Variants in AKAP6 observed in about 807,000 individuals in gnomAD.
The protein encoded by AKAP6 is A-kinase anchor protein 6.
AKAP6 carries 58 observed loss-of-function variants against 188.5 expected under a neutral mutation model. The ratio of observed to expected loss-of-function variants is 0.31; its 90% CI spans 0.25 to 0.38. The LOEUF is 0.38. AKAP6 is among the 10% of genes least tolerant of loss of function. The pLI, the probability that AKAP6 is intolerant of heterozygous loss-of-function variation, is 1.00. For synonymous variants in AKAP6, 989 were observed against 998.6 expected (o/e 0.99, Z 0.18); for missense variants, 2,710 against 2,740.0 (o/e 0.99, Z 0.24).
chr14:32,647,198 G>A (rs899515297), intron 7 of AKAP6, among the ~76,000 whole-genome samples: 4 of 152,090 alleles, frequency 2.6e-5, no homozygotes, highest in African/African-American at 4.8e-5. Flanking sequence ...CAATTTCCAA[G>A]TATATATTAG....
chr14:32,489,900 C>T (rs1879909898), intron 2 of AKAP6, among the ~76,000 whole-genome samples: 1 of 152,234 alleles, frequency 6.6e-6, no homozygotes, highest in African/African-American at 2.4e-5. Flanking sequence ...GTTTATTTCA[C>T]CTGGGTGCAG....
rs140821746 is a variant in AKAP6 at position 32,379,598 on chromosome 14, T to C, written c.-35+50190T>C. 2.9e-3 allele frequency among the ~76,000 whole-genome samples: 443 copies of C among 152,198 alleles called. 2 individuals carry two copies. The highest frequency in any genetic ancestry group is 9.1e-3 in the African/African-American group (376 of 41,516). On this transcript the variant is annotated intron_variant, in intron 1 of 13. Transcript: ENST00000280979. ...TTTCCCCTTTGATCCTCTTTAATGATGTCAGCCCCTCCTATGAGAGGGTGT... is the reference window on the plus strand; with the variant it reads ...TTTCCCCTTTGATCCTCTTTAATGACGTCAGCCCCTCCTATGAGAGGGTGT...
At chr14:32,500,519 T>C (rs1880557948) in intron 2 of AKAP6, among the ~76,000 whole-genome samples, 1 of 152,148 alleles carries the variant, frequency 6.6e-6, no homozygotes, top group African/African-American at 2.4e-5. Flanking sequence ...ACTTACTATA[T>C]GGGATGCATA....
At chr14:32,699,621 C>T (rs1305134142) in intron 9 of AKAP6, among the ~76,000 whole-genome samples, 1 of 152,162 alleles carries the variant, frequency 6.6e-6, no homozygotes, top group East Asian at 1.9e-4. Flanking sequence ...GTTATACTGC[C>T]AATGACTTCC....
At position 32,639,231 on chromosome 14, in the gene AKAP6, T is replaced by A. The variant is rs568739572; in HGVS notation, c.2730+38439T>A. On this transcript the variant is annotated intron_variant, in intron 7 of 13. Coordinates refer to ENST00000280979, the MANE Select transcript of AKAP6 (RefSeq NM_004274.5). ...AGTATCTGCGTTGTTTTTGCATGAA[T>A]GTACGTGAACTTATGGTTTGTGGCT... 2.6e-5 allele frequency among the ~76,000 whole-genome samples: 4 copies of A among 152,274 alleles called. No homozygotes were observed. In the East Asian group the frequency reaches 7.7e-4, roughly 29 times the overall value.
At chr14:32,435,707 C>G (rs1298722908) in intron 2 of AKAP6, among the ~76,000 whole-genome samples, 1 of 152,072 alleles carries the variant, frequency 6.6e-6, no homozygotes, top group Non-Finnish European at 1.5e-5. Flanking sequence ...ATAAATTGTC[C>G]TATGTTCATT....
intron 1 of AKAP6, among the ~76,000 whole-genome samples, chr14:32,336,332 A>T (rs986417973): frequency 6.6e-6 from 1 of 152,126 alleles, no homozygotes; most frequent in Non-Finnish European, 1.5e-5. Flanking sequence ...CCCCAGGAAT[A>T]CAAGACCTTG....
chr14:32,427,036 A>G (rs1342215834), intron 1 of AKAP6, among the ~76,000 whole-genome samples: 1 of 152,198 alleles, frequency 6.6e-6, no homozygotes, highest in African/African-American at 2.4e-5. Flanking sequence ...GCTGTACAAA[A>G]GGAAATATTC....
chr14:32,614,014 AC>A (rs1001015935), intron 7 of AKAP6, among the ~76,000 whole-genome samples: 2 of 152,300 alleles, frequency 1.3e-5, no homozygotes, highest in Admixed American at 6.5e-5. Flanking sequence ...CCTAGTGAGA[AC>A]TTTTTAACTA....
intron 7 of AKAP6, among the ~76,000 whole-genome samples, chr14:32,606,037 A>G (rs1956218): frequency 0.59 from 89,838 of 151,926 alleles, 27,277 homozygotes; most frequent in African/African-American, 0.7. Flanking sequence ...CCTAGGACTC[A>G]GCAGCATACC....
At chr14:32,398,584 C>T (rs528869202) in intron 1 of AKAP6, among the ~76,000 whole-genome samples, 2 of 152,208 alleles carry the variant, frequency 1.3e-5, no homozygotes, top group African/African-American at 2.4e-5. Flanking sequence ...AGGCCTCTCC[C>T]ATGGTTCCAG....
At position 32,656,579 on chromosome 14, in the gene AKAP6, G is replaced by A. The variant is rs1345390232; in HGVS notation, c.2731-21732G>A. Among the ~76,000 whole-genome samples, 3 of 152,160 alleles carry A rather than the reference G, an allele frequency of 2.0e-5. No individual in the cohort carries two copies. The East Asian group carries it at 5.8e-4, about 29-fold the overall frequency. ...GAACCCACCAGCTGATTCTGAAGCT[G>A]GTAATCTGAAGACTACTTTCTGAGA... On this transcript the variant is annotated intron_variant, in intron 7 of 13. Transcript: ENST00000280979.
intron 11 of AKAP6, among the ~76,000 whole-genome samples, chr14:32,751,788 G>C (rs2032150357): frequency 6.6e-6 from 1 of 151,978 alleles, no homozygotes; most frequent in Admixed American, 6.6e-5. Context: ...TGTTTTCATT[G>C]CAATTTTTAA....
At chr14:32,382,892 A>C (rs1888412005) in intron 1 of AKAP6, among the ~76,000 whole-genome samples, 1 of 152,118 alleles carries the variant, frequency 6.6e-6, no homozygotes, top group Non-Finnish European at 1.5e-5. Flanking sequence ...GTGGGCCCGC[A>C]AAGAGTGCTG....
At chr14:32,379,325 T>A (rs1888267888) in intron 1 of AKAP6, among the ~76,000 whole-genome samples, 1 of 152,200 alleles carries the variant, frequency 6.6e-6, no homozygotes, top group Admixed American at 6.5e-5. Flanking sequence ...GCTATTTTCA[T>A]TTTTCCTGTG....
chr14:32,456,002 A>AT (rs35250598), intron 2 of AKAP6, among the ~76,000 whole-genome samples: 5,629 of 152,014 alleles, frequency 0.037, 125 homozygotes, highest in East Asian at 0.1. Flanking sequence ...TAACCTGGTG[A>AT]TTTTTTTAAG....
intron 1 of AKAP6, among the ~76,000 whole-genome samples, chr14:32,349,769 A>G (rs966700996): frequency 1.3e-5 from 2 of 152,182 alleles, no homozygotes; most frequent in Non-Finnish European, 2.9e-5. Context: ...CCATTCATCA[A>G]TAAAAGGAAT....
At chr14:32,506,688 AC>A (rs1880893491) in intron 2 of AKAP6, among the ~76,000 whole-genome samples, 1 of 152,024 alleles carries the variant, frequency 6.6e-6, no homozygotes, top group South Asian at 2.1e-4. Context: ...ACCTGCTACC[AC>A]ACCCGGCTAA....
At position 32,433,626 on chromosome 14, in the gene AKAP6, G is replaced by A; in HGVS notation, c.133G>A (p.Asp45Asn). Reference protein sequence around the residue: ...EQGEGEEAMKDMDSDQQYEKP... With the variant: ...EQGEGEEAMKNMDSDQQYEKP... Reference sequence around the variant, plus strand: ...GGGTGAGGGAGAAGAGGCAATGAAGGACATGGACTCTGACCAGCAGTATGA... The same window carrying A: ...GGGTGAGGGAGAAGAGGCAATGAAGAACATGGACTCTGACCAGCAGTATGA... The change falls in exon 2 of 14, where the codon GAC becomes AAC. Residue 45 changes from aspartate to asparagine, a missense_variant. Asp to Asn is a conservative substitution (Grantham distance 23). This residue lies in a region of AKAP6 where 237 missense variants were observed against 313.9 expected (regional missense o/e 0.76). Transcript: ENST00000280979. The A allele has an allele frequency of 1.2e-6, 2 of 1,614,136 alleles. No homozygotes were observed. The highest frequency in any genetic ancestry group is 1.7e-6 in the Non-Finnish European group (2 of 1,180,038).
Sources: allele counts gnomAD v4.1 joint callset (sites outside exome capture counted in the v4.1 genomes callset), GRCh38; gene constraint gnomAD v4.1.1; regional missense constraint gnomAD v4.1.1; transcripts MANE v1.5; gene names NCBI Gene and HGNC (gene_info 2026-07-23, HGNC 2026-07-21).